GRID2: variants seen among roughly 807,000 people sequenced by gnomAD.
GRID2 encodes the protein glutamate receptor ionotropic, delta-2.
In GRID2, 33 loss-of-function variants were observed where a neutral mutation model predicts 114.8. The observed-to-expected ratio is 0.29, with a 90% CI of 0.22 to 0.38. The LOEUF (loss-of-function observed/expected upper bound fraction) is 0.38. Among genes scored for constraint, GRID2 ranks in the 10% least tolerant of loss-of-function variants. The pLI is 1.00. For synonymous variants in GRID2, 505 were observed against 449.9 expected (o/e 1.12, Z -1.55); for missense variants, 1,184 against 1,257.7 (o/e 0.94, Z 0.89).
intron 13 of GRID2, among the ~76,000 whole-genome samples, chr4:93,558,594 T>C (rs181489877): frequency 1.2e-3 from 177 of 152,324 alleles, no homozygotes; most frequent in Non-Finnish European, 2.2e-3. Context: ...CAGTTATTAA[T>C]GGCCTACCAA....
chr4:92,734,181 CA>C (rs1394426015), intron 2 of GRID2, among the ~76,000 whole-genome samples: 1 of 152,014 alleles, frequency 6.6e-6, no homozygotes, highest in Non-Finnish European at 1.5e-5. Flanking sequence ...GTTAATTTTA[CA>C]CTTAAAAATA....
rs553299871 is a variant in GRID2 at position 92,426,369 on chromosome 4, A to G, written c.88+121625A>G. Among the ~76,000 whole-genome samples the G allele has an allele frequency of 3.3e-5, 5 of 152,252 alleles. 1 individual carries two copies. In the South Asian group the frequency reaches 1.0e-3, roughly 32 times the overall value. On this transcript the variant is annotated intron_variant, in intron 1 of 15. Transcript: ENST00000282020. ...AGCAGGAAAATGGTATTCAGGGTAG[A>G]AAAGGTATATGCTTTGCTTAAGGAT...
intron 7 of GRID2, among the ~76,000 whole-genome samples, chr4:93,233,349 T>G (rs1267045100): frequency 6.6e-6 from 1 of 151,278 alleles, no homozygotes; most frequent in Non-Finnish European, 1.5e-5. Flanking sequence ...TTTTTTTTAT[T>G]TTTTATTTTT....
chr4:93,240,403 A>G (rs1178389287), intron 8 of GRID2, among the ~76,000 whole-genome samples: 1 of 151,238 alleles, frequency 6.6e-6, no homozygotes, highest in Non-Finnish European at 1.5e-5. Context: ...TTTCCTACAT[A>G]TTTAGGCTCT....
chr4:92,715,441 T>C (rs1735492855), intron 2 of GRID2, among the ~76,000 whole-genome samples: 1 of 152,138 alleles, frequency 6.6e-6, no homozygotes, highest in Admixed American at 6.6e-5. Flanking sequence ...GCTTCCACAT[T>C]TTCAGGTGTC....
At chr4:92,373,683 A>G (rs576060183) in intron 1 of GRID2, among the ~76,000 whole-genome samples, 107 of 152,174 alleles carry the variant, frequency 7.0e-4, no homozygotes, top group Non-Finnish European at 9.0e-4. Context: ...CAAGAGCTAA[A>G]TACATCCTAA....
At chr4:92,859,273 G>A (rs941038909) in intron 2 of GRID2, among the ~76,000 whole-genome samples, 4 of 152,042 alleles carry the variant, frequency 2.6e-5, no homozygotes, top group African/African-American at 7.3e-5. Context: ...ACAATTTATA[G>A]CAATAAAGAA....
At chr4:92,651,075 G>A (rs1391905028) in intron 2 of GRID2, among the ~76,000 whole-genome samples, 1 of 152,076 alleles carries the variant, frequency 6.6e-6, no homozygotes, top group African/African-American at 2.4e-5. Context: ...AAACAATGCT[G>A]TGTAGAATAT....
chr4:92,443,087 G>T (rs1347390979), intron 1 of GRID2, among the ~76,000 whole-genome samples: 52 of 152,220 alleles, frequency 3.4e-4, no homozygotes, highest in East Asian at 1.9e-4. Context: ...CGAGGCTTGG[G>T]GTTGGTACTG....
intron 1 of GRID2, among the ~76,000 whole-genome samples, chr4:92,355,052 C>T (rs1291291768): frequency 1.3e-5 from 2 of 151,996 alleles, no homozygotes; most frequent in East Asian, 1.9e-4. Context: ...TCACTCATGG[C>T]GACTCCTCCT....
At chr4:92,959,136 G>T (rs1752624452) in intron 2 of GRID2, among the ~76,000 whole-genome samples, 1 of 116,540 alleles carries the variant, frequency 8.6e-6, no homozygotes, top group Non-Finnish European at 1.7e-5. Flanking sequence ...CCAAAAGACT[G>T]ACTTTTGATT....
intron 1 of GRID2, among the ~76,000 whole-genome samples, chr4:92,310,975 A>T (rs1006245970): frequency 1.3e-5 from 2 of 152,088 alleles, no homozygotes; most frequent in Non-Finnish European, 2.9e-5. Context: ...AACAAGAATT[A>T]TGTACATTTC....
At chr4:93,517,931 ATG>A (rs1729899245) in intron 13 of GRID2, among the ~76,000 whole-genome samples, 1 of 39,438 alleles carries the variant, frequency 2.5e-5, no homozygotes, top group Non-Finnish European at 6.8e-5. Flanking sequence ...TATACTATAT[ATG>A]TATGTATATA....
intron 14 of GRID2, among the ~76,000 whole-genome samples, chr4:93,659,303 G>C (rs1723282796): frequency 6.6e-6 from 1 of 152,166 alleles, no homozygotes; most frequent in East Asian, 1.9e-4. Flanking sequence ...TCACACTTAT[G>C]GGTGCATATG....
chr4:93,051,867 C>T (rs1479117456), intron 2 of GRID2, among the ~76,000 whole-genome samples: 3 of 151,600 alleles, frequency 2.0e-5, no homozygotes, highest in African/African-American at 7.3e-5. Flanking sequence ...TTTTCTTTTG[C>T]TTGTTTGTCC....
intron 8 of GRID2, among the ~76,000 whole-genome samples, chr4:93,388,330 A>G (rs1764525528): frequency 6.6e-6 from 1 of 152,208 alleles, no homozygotes; most frequent in Non-Finnish European, 1.5e-5. Flanking sequence ...AATCATCTTC[A>G]TAACTTTACA....
chr4:92,331,643 T>TA lies in GRID2; in HGVS notation c.88+26905dup, dbSNP rs201529499. 7.5e-3 allele frequency among the ~76,000 whole-genome samples: 1,136 copies of TA among 152,276 alleles called. 6 individuals are homozygous for TA. The highest frequency in any genetic ancestry group is 0.011 in the Non-Finnish European group (733 of 68,012). On this transcript the variant is annotated intron_variant, in intron 1 of 15. Coordinates refer to ENST00000282020, the MANE Select transcript of GRID2 (RefSeq NM_001510.4). ...GACTCAATAGCTGACACAATTTATA[T>TA]AAAAAACAGTCAAATTGCTACTGTT...
intron 14 of GRID2, among the ~76,000 whole-genome samples, chr4:93,680,828 G>C (rs1170271940): frequency 1.3e-5 from 2 of 152,118 alleles, no homozygotes; most frequent in Non-Finnish European, 2.9e-5. Flanking sequence ...ATATCATACT[G>C]AATGGGCAAA....
chr4:93,240,436 C>A (rs890078075), intron 8 of GRID2, among the ~76,000 whole-genome samples: 2 of 151,062 alleles, frequency 1.3e-5, no homozygotes, highest in Non-Finnish European at 3.0e-5. Flanking sequence ...GAGTTAATTG[C>A]TCATTATTTT....
Sources: gnomAD v4.1 joint callset for allele counts (sites outside exome capture counted in the v4.1 genomes callset) on GRCh38, gnomAD v4.1.1 for gene constraint, MANE v1.5 for transcripts, NCBI Gene and HGNC (gene_info 2026-07-23, HGNC 2026-07-21) for gene names.